The following ACP7 variants were observed in gnomAD, a reference collection of about 807,000 sequenced individuals.
The protein encoded by ACP7 is acid phosphatase 7, tartrate resistant (putative), also known as acid phosphatase type 7.
A neutral mutation model predicts 60.6 loss-of-function variants in ACP7; 58 were observed. The observed-to-expected ratio is 0.96, with a 90% CI of 0.77 to 1.19. The LOEUF (loss-of-function observed/expected upper bound fraction) is 1.19, where lower values mean the gene tolerates loss of function less well. Among genes scored for constraint, ACP7 ranks in the 50% most tolerant of loss-of-function variants. The probability of loss-of-function intolerance (pLI) is 0.00; values close to 1 mark genes in which losing one functional copy is unlikely to be tolerated. For missense variants in ACP7, 574 were observed against 596.2 expected, an observed-to-expected ratio of 0.96 and a Z score of 0.39; for synonymous variants, 237 against 232.6, an observed-to-expected ratio of 1.02 and a Z score of -0.17.
intron 2 of ACP7, 32 bp from the exon 3 acceptor site, chr19:39,098,426 T>C (rs1293653287): frequency 2.5e-5 from 17 of 691,842 alleles, no homozygotes; most frequent in Non-Finnish European, 3.8e-5. Flanking sequence ...CAGGCTTCAC[T>C]CCCGGTCTAC....
intron 11 of ACP7, among the ~76,000 whole-genome samples, chr19:39,102,458 C>A (rs1031446088): frequency 4.0e-5 from 6 of 151,338 alleles, no homozygotes; most frequent in Non-Finnish European, 8.8e-5. Context: ...CTCACTGCAA[C>A]CTCCGCCTCC....
Position 39,107,009 on chromosome 19 carries a change from G to A in ACP7, c.1176G>A (p.Val392=), listed in dbSNP as rs1375122249. Residue 392 remains valine, a synonymous_variant, in exon 12 of 13, where the codon GTG becomes GTA. Coordinates refer to ENST00000331256, the MANE Select transcript of ACP7 (RefSeq NM_001004318.3). ...VFPRPWSAVR[V]KEYGYTRLHI... ...CGAGGCCCTGGAGTGCCGTGCGTGT[G>A]AAGGAGTACGGGTATACGCGGCTGC... The A allele has an allele frequency of 8.1e-6, 13 of 1,613,996 alleles. No homozygotes were observed. The highest frequency in any genetic ancestry group is 1.1e-5 in the Non-Finnish European group (13 of 1,180,034).
intron 11 of ACP7, among the ~76,000 whole-genome samples, chr19:39,102,118 T>TCACACACACACACACACA (rs755325181): frequency 3.0e-5 from 4 of 132,910 alleles, no homozygotes; most frequent in African/African-American, 8.9e-5. Flanking sequence ...AGACCCTTTC[T>TCACACACACACACACACA]CTCACACACA....
At chr19:39,091,179 TGAG>T (rs2073200154) in intron 2 of ACP7, among the ~76,000 whole-genome samples, 1 of 151,100 alleles carries the variant, frequency 6.6e-6, no homozygotes. Context: ...TTTTTTTTTT[TGAG>T]ATGGAATTTT....
intron 2 of ACP7, among the ~76,000 whole-genome samples, chr19:39,092,771 CTTTTTTTTTTT>C (rs67888880): frequency 4.4e-5 from 5 of 114,650 alleles, no homozygotes; most frequent in African/African-American, 1.6e-4. Flanking sequence ...TCCCATTCCT[CTTTTTTTTTTT>C]TTTTTTTTTT....
rs373399597 is a variant in ACP7 at position 39,093,143 on chromosome 19, C to CTTTCTTTCTTTCT, written c.122-5315_122-5314insTTTCTTTCTTTCT. Among the ~76,000 whole-genome samples, 193 of 104,626 alleles carry CTTTCTTTCTTTCT rather than the reference C, an allele frequency of 1.8e-3. 22 individuals are homozygous for CTTTCTTTCTTTCT. Among genetic ancestry groups the CTTTCTTTCTTTCT allele is most frequent in the African/African-American group, 6.9e-3 (182 of 26,246 alleles). 68.6% of individuals were successfully genotyped at this position (104,626 alleles called of 152,430 possible). On this transcript the variant is annotated intron_variant, in intron 2 of 12. Coordinates refer to ENST00000331256, the MANE Select transcript of ACP7 (RefSeq NM_001004318.3). ...TTCTTTCTTTCCTTCTTCCCTCACT[C>CTTTCTTTCTTTCT]CTTTCTTTCTTTCTCTTTCTTTCTT...
intron 2 of ACP7, among the ~76,000 whole-genome samples, chr19:39,097,352 G>A (rs774917): frequency 0.19 from 28,897 of 148,924 alleles, 2,833 homozygotes; most frequent in East Asian, 0.29. Context: ...GCAGTGAGCC[G>A]AGAATGCGCC....
intron 2 of ACP7, among the ~76,000 whole-genome samples, chr19:39,087,866 T>C (rs915222823): frequency 6.6e-6 from 1 of 152,054 alleles, no homozygotes; most frequent in African/African-American, 2.4e-5. Context: ...ACTCCTGACC[T>C]CAAGTGATCC....
chr19:39,093,882 T>C (rs2073237730), intron 2 of ACP7, among the ~76,000 whole-genome samples: 1 of 152,232 alleles, frequency 6.6e-6, no homozygotes, highest in South Asian at 2.1e-4. Flanking sequence ...CAATATGTCC[T>C]GGAAACATTT....
At chr19:39,107,327 A>T (rs1361706103) in intron 12 of ACP7, among the ~76,000 whole-genome samples, 1 of 152,028 alleles carries the variant, frequency 6.6e-6, no homozygotes, top group East Asian at 1.9e-4. Flanking sequence ...TCATGCCTGT[A>T]ATTCCAGCAC....
At chr19:39,094,976 A>G (rs963308004) in intron 2 of ACP7, among the ~76,000 whole-genome samples, 10 of 152,128 alleles carry the variant, frequency 6.6e-5, no homozygotes, top group African/African-American at 2.4e-4. Context: ...CTTATTCACT[A>G]CCACAAGAAC....
chr19:39,089,099 T>A (rs2144965932), intron 2 of ACP7, among the ~76,000 whole-genome samples: 1 of 152,082 alleles, frequency 6.6e-6, no homozygotes, highest in African/African-American at 2.4e-5. Flanking sequence ...CCAGCTAATT[T>A]TTGTATTTTA....
rs1600278070 is a variant in ACP7 at position 39,110,130 on chromosome 19, G to T, written c.*12G>T. The T allele has an allele frequency of 6.2e-7, 1 of 1,610,940 alleles. No homozygotes were observed. Among genetic ancestry groups the T allele is most frequent in the Non-Finnish European group, 8.5e-7 (1 of 1,177,162 alleles). ...GGATGTACCTCTAGGGATGGCGGCAGCTCTCCTCCAGAAGCCTAGGTTTTG... is the reference window on the plus strand; with the variant it reads ...GGATGTACCTCTAGGGATGGCGGCATCTCTCCTCCAGAAGCCTAGGTTTTG... On this transcript the variant is annotated 3_prime_UTR_variant, in exon 13 of 13. Transcript: ENST00000331256.
At position 39,106,932 on chromosome 19, in the gene ACP7, T is replaced by C; in HGVS notation, c.1114-15T>C. 1.9e-6 allele frequency: 3 copies of C among 1,613,196 alleles called. No individual in the cohort carries two copies. The highest frequency in any genetic ancestry group is 2.5e-6 in the Non-Finnish European group (3 of 1,179,638). ...CTCCACCTGCTCTGGGTCTGATCAG[T>C]TCTCCCCGCCCCAGGGCTGTGAGGA... On this transcript the variant is annotated splice_polypyrimidine_tract_variant and intron_variant, in intron 11 of 12. Coordinates refer to ENST00000331256, the MANE Select transcript of ACP7 (RefSeq NM_001004318.3).
chr19:39,091,586 C>T (rs190506136), intron 2 of ACP7, among the ~76,000 whole-genome samples: 18 of 152,306 alleles, frequency 1.2e-4, no homozygotes, highest in Admixed American at 1.2e-3. Context: ...CATGCATGTA[C>T]ACGAAGCTGC....
intron 4 of ACP7, 130 bp from the exon 5 acceptor site, chr19:39,100,097 G>T: frequency 7.6e-7 from 1 of 1,315,310 alleles, no homozygotes; most frequent in Non-Finnish European, 1.0e-6. Context: ...CTGGGCTCAA[G>T]TGATACTCTT....
At position 39,100,267 on chromosome 19, in the gene ACP7, T is replaced by TG. The variant is rs1368619315; in HGVS notation, c.550dup (p.Asp184GlyfsTer2). 6.2e-7 allele frequency: 1 copy of TG among 1,613,888 alleles called. No individual in the cohort carries two copies. The highest frequency in any genetic ancestry group is 1.3e-5 in the African/African-American group (1 of 74,870). ...ACCTGGATCAGGACAACGCCCGTGTTGGGGATAGGTTCATGCGGCTCATTG... is the reference window on the plus strand; with the variant it reads ...ACCTGGATCAGGACAACGCCCGTGTTGGGGGATAGGTTCATGCGGCTCATTG... On this transcript the variant is annotated frameshift_variant, in exon 5 of 13. Coordinates refer to ENST00000331256, the MANE Select transcript of ACP7 (RefSeq NM_001004318.3). LOFTEE classifies it high-confidence loss of function.
Position 39,094,620 on chromosome 19 carries a change from C to T in ACP7, c.122-3838C>T, listed in dbSNP as rs550112179. Reference sequence around the variant, plus strand: ...GGAGGGTTGCTCAAGTCCAGGAGTTCAAGACCAGCCTGGGCAACATGGCAA... The same window carrying T: ...GGAGGGTTGCTCAAGTCCAGGAGTTTAAGACCAGCCTGGGCAACATGGCAA... On this transcript the variant is annotated intron_variant, in intron 2 of 12. Transcript: ENST00000331256. 9.2e-5 allele frequency among the ~76,000 whole-genome samples: 14 copies of T among 151,550 alleles called. No individual in the cohort carries two copies. The East Asian group carries it at 2.7e-3, about 29-fold the overall frequency.
Position 39,096,696 on chromosome 19 carries a change from A to G in ACP7, c.122-1762A>G, listed in dbSNP as rs148239089. ...ATTTTCATGCTGCTGATAAAGACAT[A>G]CCCAAGACTGGGAAGAAAAAGAGGT... On this transcript the variant is annotated intron_variant, in intron 2 of 12. Coordinates refer to ENST00000331256, the MANE Select transcript of ACP7 (RefSeq NM_001004318.3). Among the ~76,000 whole-genome samples the G allele has an allele frequency of 4.2e-3, 637 of 152,318 alleles. 6 individuals carry two copies. The highest frequency in any genetic ancestry group is 0.015 in the African/African-American group (606 of 41,574).
Sources: gnomAD v4.1 joint callset for allele counts (sites outside exome capture counted in the v4.1 genomes callset) on GRCh38, gnomAD v4.1.1 for gene constraint, MANE v1.5 for transcripts, NCBI Gene and HGNC (gene_info 2026-07-23, HGNC 2026-07-21) for gene names.